Variants in AKAP12 observed in about 807,000 individuals in gnomAD.
AKAP12 encodes A-kinase anchoring protein 12.
AKAP12 carries 32 observed loss-of-function variants against 79.9 expected under a neutral mutation model. The ratio of observed to expected loss-of-function variants is 0.40; its 90% CI spans 0.30 to 0.54. The LOEUF (loss-of-function observed/expected upper bound fraction) is 0.54, where lower values mean the gene tolerates loss of function less well. Among genes scored for constraint, AKAP12 ranks in the 20% least tolerant of loss-of-function variants. The pLI is 0.48. For synonymous variants in AKAP12, 808 were observed against 857.0 expected, an observed-to-expected ratio of 0.94 and a Z score of 1.00; for missense variants, 2,074 against 2,177.0, an observed-to-expected ratio of 0.95 and a Z score of 0.94.
At chr6:151,284,429 C>T (rs1290402282) in intron 2 of AKAP12, among the ~76,000 whole-genome samples, 2 of 152,092 alleles carry the variant, frequency 1.3e-5, no homozygotes, top group African/African-American at 4.8e-5. Context: ...AGTTTGAGAC[C>T]AGCCTGGGCA....
intron 3 of AKAP12, among the ~76,000 whole-genome samples, chr6:151,328,939 T>C (rs1276689080): frequency 6.6e-6 from 1 of 152,102 alleles, no homozygotes; most frequent in Non-Finnish European, 1.5e-5. Context: ...CTAAAATGAA[T>C]GCAGTGGAAA....
At chr6:151,341,923 T>C (rs925411247) in intron 3 of AKAP12, 1 of 573,204 alleles carries the variant, frequency 1.7e-6, no homozygotes, top group African/African-American at 2.0e-5. Context: ...AGCCGCCCGC[T>C]GCCCTTGATC....
At chr6:151,289,985 T>C (rs1776580021) in intron 2 of AKAP12, among the ~76,000 whole-genome samples, 1 of 152,208 alleles carries the variant, frequency 6.6e-6, no homozygotes, top group Admixed American at 6.5e-5. Flanking sequence ...TTGCTTTTGT[T>C]GTGTTTTGAT....
At chr6:151,292,912 T>C (rs1776651100) in intron 2 of AKAP12, among the ~76,000 whole-genome samples, 1 of 152,354 alleles carries the variant, frequency 6.6e-6, no homozygotes, top group East Asian at 1.9e-4. Context: ...GTGTAGTGTT[T>C]AGCCACTACG....
chr6:151,247,527 T>C (rs1797098232), intron 2 of AKAP12, among the ~76,000 whole-genome samples: 1 of 152,246 alleles, frequency 6.6e-6, no homozygotes, highest in South Asian at 2.1e-4. Flanking sequence ...TCTCCTTTGC[T>C]CCTTTTCCTT....
At chr6:151,250,967 A>G (rs1797162864) in intron 2 of AKAP12, among the ~76,000 whole-genome samples, 1 of 152,216 alleles carries the variant, frequency 6.6e-6, no homozygotes, top group Non-Finnish European at 1.5e-5. Context: ...GAGATAAAGA[A>G]ATAAAAACAT....
intron 2 of AKAP12, among the ~76,000 whole-genome samples, chr6:151,249,543 G>GA (rs1797136095): frequency 6.6e-6 from 1 of 152,148 alleles, no homozygotes; most frequent in South Asian, 2.1e-4. Context: ...TGGGGAAACA[G>GA]AAGTTCAGTT....
chr6:151,269,474 TC>T (rs1329340288), intron 2 of AKAP12, among the ~76,000 whole-genome samples: 1 of 152,180 alleles, frequency 6.6e-6, no homozygotes, highest in Non-Finnish European at 1.5e-5. Context: ...GTATTTTATT[TC>T]CTTTAGGAAT....
At chr6:151,256,455 G>T (rs1467382518) in intron 2 of AKAP12, among the ~76,000 whole-genome samples, 1 of 151,932 alleles carries the variant, frequency 6.6e-6, no homozygotes, top group African/African-American at 2.4e-5. Flanking sequence ...ATTATGATCT[G>T]CAATATAAAG....
At chr6:151,304,691 T>G (rs1443625105) in intron 2 of AKAP12, among the ~76,000 whole-genome samples, 3 of 151,576 alleles carry the variant, frequency 2.0e-5, no homozygotes, top group Non-Finnish European at 4.4e-5. Flanking sequence ...ATTCTCCTTC[T>G]GCAGCCTCCC....
chr6:151,306,143 C>T (rs1450749033), intron 3 of AKAP12, among the ~76,000 whole-genome samples: 1 of 152,126 alleles, frequency 6.6e-6, no homozygotes, highest in Non-Finnish European at 1.5e-5. Context: ...GTTGCTTTGT[C>T]CCAACTGCTT....
At chr6:151,326,027 C>G in intron 3 of AKAP12, 10 of 1,167,942 alleles carry the variant, frequency 8.6e-6, no homozygotes, top group Non-Finnish European at 1.2e-5. Flanking sequence ...TATTTCTCTC[C>G]GTGTACTGAG....
At chr6:151,341,206 C>T (rs1038995351) in intron 3 of AKAP12, among the ~76,000 whole-genome samples, 1 of 152,072 alleles carries the variant, frequency 6.6e-6, no homozygotes, top group Admixed American at 6.5e-5. Flanking sequence ...CATGTGCCAC[C>T]ACGCCCGGCT....
intron 3 of AKAP12, among the ~76,000 whole-genome samples, chr6:151,319,131 C>A (rs1328074184): frequency 6.6e-6 from 1 of 152,026 alleles, no homozygotes; most frequent in Non-Finnish European, 1.5e-5. Context: ...TTTCCCGTTG[C>A]TTTTTAAAGT....
intron 3 of AKAP12, among the ~76,000 whole-genome samples, chr6:151,310,372 A>G (rs1777067364): frequency 6.6e-6 from 1 of 152,108 alleles, no homozygotes; most frequent in African/African-American, 2.4e-5. Flanking sequence ...CTCAAAAAAA[A>G]AACAAAAACA....
Position 151,351,516 on chromosome 6 carries a change from T to G in AKAP12, c.3125T>G (p.Val1042Gly). Residue 1042 changes from valine to glycine, a missense_variant, in exon 4 of 5, where the codon GTC (valine) becomes GGC (glycine). Physicochemically the swap from Val to Gly is moderately radical, Grantham distance 109. Transcript: ENST00000402676. This position sits in a 1 kb window ranked among gnomAD's most constrained non-coding sequence, Gnocchi z 4.4. ...GAGCAAGAGAGGCGGACTCAAGAGG[T>G]CCTCCAGGCAGTGGCAGAAAAAGTG... is the stretch of plus-strand genomic sequence containing the variant. ...IEEQERRTQEVLQAVAEKVKE... is the reference protein window; with the variant it reads ...IEEQERRTQEGLQAVAEKVKE... 1 of 1,613,984 alleles carries G rather than the reference T, an allele frequency of 6.2e-7. No individual in the cohort carries two copies. The highest frequency in any genetic ancestry group is 8.5e-7 in the Non-Finnish European group (1 of 1,180,012).
chr6:151,250,940 T>G (rs971438879), intron 2 of AKAP12, among the ~76,000 whole-genome samples: 13 of 152,138 alleles, frequency 8.5e-5, no homozygotes, highest in Admixed American at 7.9e-4. Context: ...CACATACTTA[T>G]GTTCTAGATG....
intron 2 of AKAP12, among the ~76,000 whole-genome samples, chr6:151,279,738 G>T (rs1307789176): frequency 6.6e-6 from 1 of 151,906 alleles, no homozygotes; most frequent in South Asian, 2.1e-4. Flanking sequence ...TAGCTACTGG[G>T]GGGAGGCTGA....
chr6:151,248,099 A>T (rs777563961), intron 2 of AKAP12, among the ~76,000 whole-genome samples: 1 of 152,172 alleles, frequency 6.6e-6, no homozygotes, highest in African/African-American at 2.4e-5. Flanking sequence ...TCTATTTGTT[A>T]TATGCAAATA....
Sources: gnomAD v4.1 joint callset for allele counts (sites outside exome capture counted in the v4.1 genomes callset) on GRCh38, gnomAD v4.1.1 for gene constraint, Gnocchi (gnomAD v3.1) non-coding constraint, MANE v1.5 for transcripts, NCBI Gene and HGNC (gene_info 2026-07-23, HGNC 2026-07-21) for gene names.